Variants in DLG2 observed in about 807,000 individuals in gnomAD.
The protein encoded by DLG2 is disks large homolog 2.
In DLG2, 45 loss-of-function variants were observed where a neutral mutation model predicts 132.5. The ratio of observed to expected loss-of-function variants is 0.34; its 90% CI spans 0.27 to 0.44. DLG2 has a LOEUF of 0.44. Among genes scored for constraint, DLG2 ranks in the 20% least tolerant of loss-of-function variants. DLG2 has a pLI of 1.00. For missense variants in DLG2, 1,045 were observed against 1,196.9 expected (o/e 0.87, Z 1.87); for synonymous variants, 424 against 419.6 (o/e 1.01, Z -0.13).
At chr11:85,232,268 C>T (rs1227632686) in intron 4 of DLG2, among the ~76,000 whole-genome samples, 1 of 151,848 alleles carries the variant, frequency 6.6e-6, no homozygotes, top group Non-Finnish European at 1.5e-5. Context: ...AAAAGTAGGT[C>T]TGATATACAT....
chr11:85,251,723 G>A (rs906002023), intron 4 of DLG2, among the ~76,000 whole-genome samples: 4 of 152,064 alleles, frequency 2.6e-5, no homozygotes, highest in Admixed American at 1.3e-4. Context: ...CCATTAATAA[G>A]TATACAGCCA....
intron 3 of DLG2, among the ~76,000 whole-genome samples, chr11:85,361,221 T>A (rs2084125654): frequency 6.6e-6 from 1 of 152,118 alleles, no homozygotes; most frequent in Admixed American, 6.5e-5. Context: ...AGTGGCACGA[T>A]CTTGGCTCAC....
In DLG2 at chr11:85,089,617, G is replaced by A. The variant is rs1201198657; in HGVS notation, c.357+22044C>T. Among the ~76,000 whole-genome samples the A allele has an allele frequency of 5.3e-5, 8 of 152,224 alleles. No individual in the cohort carries two copies. The East Asian group carries it at 1.4e-3, about 26-fold the overall frequency. ...CAAATGCATGTGTCTTTTTGGTAGA[G>A]CAATTTGTTTTCCTTAGACTATATA... is the stretch of plus-strand genomic sequence containing the variant. On this transcript the variant is annotated intron_variant, in intron 6 of 27. Transcript: ENST00000376104.
At chr11:83,886,047 C>G (rs7108753) in intron 15 of DLG2, among the ~76,000 whole-genome samples, 57,725 of 151,886 alleles carry the variant, frequency 0.38, 11,141 homozygotes, top group South Asian at 0.51. Context: ...CAACTAACGA[C>G]CAAAATAACC....
rs933741846 is a variant in DLG2, at chr11:83,614,409, G to A, written c.1940+18802C>T. Among the ~76,000 whole-genome samples, 3 of 152,096 alleles carry A rather than the reference G, an allele frequency of 2.0e-5. 1 individual carries two copies. Among genetic ancestry groups the A allele is most frequent in the South Asian group, 4.1e-4 (2 of 4,832 alleles). ...AGTCATGCGCATGGGCAACTGCAGC[G>A]TGCTTTAATAGAAAAAAATAATAAA... On this transcript the variant is annotated intron_variant, in intron 19 of 27. Transcript: ENST00000376104.
intron 6 of DLG2, among the ~76,000 whole-genome samples, chr11:84,637,598 G>A (rs188736364): frequency 6.6e-5 from 10 of 152,348 alleles, no homozygotes; most frequent in Non-Finnish European, 1.5e-5. Flanking sequence ...AGGGAGACAA[G>A]AGAGGGAGAA....
At chr11:85,524,087 A>T (rs1261500940) in intron 3 of DLG2, among the ~76,000 whole-genome samples, 1 of 152,194 alleles carries the variant, frequency 6.6e-6, no homozygotes, top group Non-Finnish European at 1.5e-5. Context: ...GAAGCTGGGA[A>T]GGGTAGTGAA....
intron 8 of DLG2, among the ~76,000 whole-genome samples, chr11:84,201,808 C>CTTTTT (rs58905339): frequency 2.8e-4 from 18 of 64,602 alleles, no homozygotes; most frequent in Admixed American, 5.0e-4. Context: ...AAACTATTTT[C>CTTTTT]TTTTTTTTTT....
At chr11:84,959,927 G>A (rs192430156) in intron 6 of DLG2, among the ~76,000 whole-genome samples, 174 of 152,288 alleles carry the variant, frequency 1.1e-3, no homozygotes, top group African/African-American at 4.0e-3. Context: ...TTAGAAATTA[G>A]TGACTTTAAA....
intron 3 of DLG2, among the ~76,000 whole-genome samples, chr11:85,486,055 G>T (rs192847956): frequency 6.6e-6 from 1 of 152,200 alleles, no homozygotes; most frequent in East Asian, 1.9e-4. Flanking sequence ...CCCACAGTGC[G>T]CCATCTGAGA....
chr11:83,785,528 C>T (rs1324260206), intron 18 of DLG2, among the ~76,000 whole-genome samples: 1 of 152,226 alleles, frequency 6.6e-6, no homozygotes, highest in Admixed American at 6.5e-5. Flanking sequence ...CATATCTGGC[C>T]TAGGCCACAT....
At position 83,523,515 on chromosome 11, in the gene DLG2, G is replaced by T. The variant is rs1057513824; in HGVS notation, c.2193+9193C>A. 2.6e-5 allele frequency among the ~76,000 whole-genome samples: 4 copies of T among 152,118 alleles called. No individual in the cohort carries two copies. The East Asian group carries it at 7.7e-4, about 29-fold the overall frequency. On this transcript the variant is annotated intron_variant, in intron 21 of 27. Coordinates refer to ENST00000376104, the MANE Select transcript of DLG2 (RefSeq NM_001142699.3). ...AATATGTAATGCAGGGCCCAGCTCT[G>T]CCACTTACTAGCTGTAGGAGCTTGG...
At chr11:84,638,493 T>C (rs1018231830) in intron 6 of DLG2, among the ~76,000 whole-genome samples, 5 of 152,192 alleles carry the variant, frequency 3.3e-5, no homozygotes, top group Non-Finnish European at 7.4e-5. Flanking sequence ...GAAGTTAAGA[T>C]GAATAATCAT....
chr11:84,335,396 C>T (rs2098479755), intron 7 of DLG2, among the ~76,000 whole-genome samples: 1 of 152,100 alleles, frequency 6.6e-6, no homozygotes, highest in Admixed American at 6.5e-5. Context: ...CAAAACACAA[C>T]GACTCTCTGA....
chr11:84,139,901 T>C (rs1376752453), intron 9 of DLG2, among the ~76,000 whole-genome samples: 2 of 152,198 alleles, frequency 1.3e-5, no homozygotes, highest in Admixed American at 6.5e-5. Context: ...TGTAGAAATG[T>C]CTTTCATAGT....
At chr11:85,162,818 C>T (rs2078139579) in intron 4 of DLG2, among the ~76,000 whole-genome samples, 1 of 152,006 alleles carries the variant, frequency 6.6e-6, no homozygotes, top group South Asian at 2.1e-4. Context: ...AAGGGGTGGA[C>T]TTGTGATGGT....
At chr11:84,154,498 AC>A (rs1213386988) in intron 9 of DLG2, among the ~76,000 whole-genome samples, 9 of 152,176 alleles carry the variant, frequency 5.9e-5, no homozygotes, top group African/African-American at 2.2e-4. Context: ...ACATTTACAT[AC>A]AGATAGATAC....
At chr11:84,217,579 T>C (rs890920920) in intron 8 of DLG2, among the ~76,000 whole-genome samples, 3 of 152,126 alleles carry the variant, frequency 2.0e-5, no homozygotes, top group African/African-American at 7.2e-5. Context: ...AATACAACCA[T>C]CAATAGCACA....
chr11:83,583,438 A>C (rs2145051223), intron 19 of DLG2, among the ~76,000 whole-genome samples: 1 of 152,344 alleles, frequency 6.6e-6, no homozygotes. Context: ...AAGAACACCA[A>C]CTATGAATCT....
Sources: allele counts gnomAD v4.1 joint callset (sites outside exome capture counted in the v4.1 genomes callset), GRCh38; gene constraint gnomAD v4.1.1; transcripts MANE v1.5; gene names NCBI Gene and HGNC (gene_info 2026-07-23, HGNC 2026-07-21).